The following STPG2 variants were observed in gnomAD, a reference collection of about 807,000 sequenced individuals.
STPG2 encodes the protein sperm tail PG-rich repeat containing 2.
In STPG2, 56 loss-of-function variants were observed where a neutral mutation model predicts 54.2. That is an observed-to-expected ratio of 1.03 (90% confidence interval 0.83 to 1.29). The LOEUF (loss-of-function observed/expected upper bound fraction) is 1.29. Ranked by LOEUF, STPG2 falls within the 50% of genes most tolerant of loss-of-function variation. STPG2 has a pLI of 0.00. For synonymous variants in STPG2, 200 were observed against 181.8 expected, an observed-to-expected ratio of 1.10 and a Z score of -0.81; for missense variants, 596 against 544.9, an observed-to-expected ratio of 1.09 and a Z score of -0.93.
chr4:97,849,480 G>C (rs1454822773), intron 8 of STPG2, among the ~76,000 whole-genome samples: 1 of 151,852 alleles, frequency 6.6e-6, no homozygotes, highest in African/African-American at 2.4e-5. Flanking sequence ...AGAGTGAACA[G>C]GCAACCTACA....
intron 9 of STPG2, among the ~76,000 whole-genome samples, chr4:97,778,199 C>T (rs760941094): frequency 4.6e-5 from 7 of 152,204 alleles, no homozygotes; most frequent in South Asian, 2.1e-4. Flanking sequence ...CCTGAAAAAT[C>T]GGGTCAATCC....
chr4:97,515,357 A>G (rs1731054178), intron 4 of STPG2, among the ~76,000 whole-genome samples: 1 of 152,116 alleles, frequency 6.6e-6, no homozygotes, highest in African/African-American at 2.4e-5. Context: ...AAGATATAAA[A>G]TTTCATTGTC....
intron 8 of STPG2, among the ~76,000 whole-genome samples, chr4:97,864,511 C>G (rs1362485243): frequency 1.4e-4 from 21 of 152,160 alleles, no homozygotes. Flanking sequence ...AATGGCCATA[C>G]TGCCCAAGGT....
chr4:97,856,669 T>G (rs896313257), intron 8 of STPG2, among the ~76,000 whole-genome samples: 3 of 152,216 alleles, frequency 2.0e-5, no homozygotes, highest in South Asian at 4.1e-4. Flanking sequence ...CTTGCTTGAT[T>G]GCCCTGGCCG....
At chr4:98,040,025 G>A (rs1053211615) in intron 5 of STPG2, among the ~76,000 whole-genome samples, 1 of 151,810 alleles carries the variant, frequency 6.6e-6, no homozygotes, top group Non-Finnish European at 1.5e-5. Flanking sequence ...TCTGACTGGT[G>A]TAAGAAAATA....
intron 4 of STPG2, among the ~76,000 whole-genome samples, chr4:97,492,798 A>T (rs28443469): frequency 0.051 from 7,715 of 151,090 alleles, 239 homozygotes; most frequent in Middle Eastern, 0.065. Flanking sequence ...CAATGAGGTT[A>T]GAAGTTCAAA....
chr4:97,897,019 G>T (rs147707559), intron 8 of STPG2, among the ~76,000 whole-genome samples: 1 of 151,680 alleles, frequency 6.6e-6, no homozygotes, highest in Non-Finnish European at 1.5e-5. Flanking sequence ...ATTAAGCCTA[G>T]TACCTATTAG....
intron 10 of STPG2, among the ~76,000 whole-genome samples, chr4:97,634,031 T>G (rs1468631204): frequency 1.3e-5 from 2 of 152,184 alleles, no homozygotes; most frequent in Non-Finnish European, 2.9e-5. Context: ...GCTCCACCTC[T>G]GGGGGCAGGG....
chr4:97,805,033 G>T lies in STPG2; in HGVS notation c.1204+35740C>A, dbSNP rs191210812. 2.8e-3 allele frequency among the ~76,000 whole-genome samples: 427 copies of T among 152,140 alleles called. 3 individuals are homozygous for T. The highest frequency in any genetic ancestry group is 9.7e-3 in the African/African-American group (403 of 41,514). On this transcript the variant is annotated intron_variant, in intron 9 of 10. Coordinates refer to ENST00000295268, the MANE Select transcript of STPG2 (RefSeq NM_174952.3). Reference sequence around the variant, plus strand: ...ATTACCTAACAACATATTTCTCAGAGCATATTTCCATCACCAACCAACACA... The same window carrying T: ...ATTACCTAACAACATATTTCTCAGATCATATTTCCATCACCAACCAACACA...
At chr4:97,709,594 C>A (rs907405002) in intron 10 of STPG2, among the ~76,000 whole-genome samples, 2 of 151,554 alleles carry the variant, frequency 1.3e-5, no homozygotes, top group Non-Finnish European at 3.0e-5. Flanking sequence ...GATTTTATGA[C>A]ATTAAATTCA....
At chr4:97,865,371 T>C (rs1252917157) in intron 8 of STPG2, among the ~76,000 whole-genome samples, 8 of 152,066 alleles carry the variant, frequency 5.3e-5, no homozygotes, top group African/African-American at 9.7e-5. Context: ...ATCAGAGAAA[T>C]GCAAATCAAT....
chr4:97,978,425 C>G (rs1025399926), intron 6 of STPG2, among the ~76,000 whole-genome samples: 4 of 152,104 alleles, frequency 2.6e-5, no homozygotes, highest in African/African-American at 9.7e-5. Flanking sequence ...AACCAAATAC[C>G]ACATGTTTGC....
At chr4:97,590,395 G>A (rs934063405) in intron 10 of STPG2, among the ~76,000 whole-genome samples, 2 of 151,942 alleles carry the variant, frequency 1.3e-5, no homozygotes, top group African/African-American at 4.8e-5. Flanking sequence ...CTTGGATCCA[G>A]GGCTTATATA....
intron 8 of STPG2, among the ~76,000 whole-genome samples, chr4:97,860,008 G>A (rs934634045): frequency 6.6e-6 from 1 of 152,130 alleles, no homozygotes; most frequent in African/African-American, 2.4e-5. Context: ...CTACGTTCTT[G>A]TTTGCATTGT....
intron 4 of STPG2, among the ~76,000 whole-genome samples, chr4:97,524,057 A>C (rs769950679): frequency 6.8e-6 from 1 of 147,448 alleles, no homozygotes. Flanking sequence ...CAAAGTTATA[A>C]AGTTTCGTGA....
chr4:97,840,534 T>C (rs1223912144), intron 9 of STPG2, among the ~76,000 whole-genome samples: 2 of 151,732 alleles, frequency 1.3e-5, no homozygotes, highest in East Asian at 3.8e-4. Context: ...CATAACATCA[T>C]GGATGGTTTC....
chr4:97,625,959 C>G (rs1204919011), intron 10 of STPG2, among the ~76,000 whole-genome samples: 1 of 152,160 alleles, frequency 6.6e-6, no homozygotes, highest in Admixed American at 6.5e-5. Flanking sequence ...TGGAAAGTGA[C>G]TTATCACCTA....
At chr4:98,081,969 C>T (rs1052275544) in intron 5 of STPG2, among the ~76,000 whole-genome samples, 26 of 152,120 alleles carry the variant, frequency 1.7e-4, no homozygotes, top group Admixed American at 1.4e-3. Context: ...ATACTAAAAG[C>T]CCTTACCAAG....
intron 9 of STPG2, among the ~76,000 whole-genome samples, chr4:97,742,721 A>G (rs1331264160): frequency 7.0e-6 from 1 of 143,240 alleles, no homozygotes; most frequent in Non-Finnish European, 1.5e-5. Context: ...ATTTAAAAAA[A>G]AACAAAAACA....
Sources: gnomAD v4.1 joint callset for allele counts (sites outside exome capture counted in the v4.1 genomes callset) on GRCh38, gnomAD v4.1.1 for gene constraint, MANE v1.5 for transcripts, NCBI Gene and HGNC (gene_info 2026-07-23, HGNC 2026-07-21) for gene names.